Variants in TXNDC15 observed in about 807,000 individuals in gnomAD.
TXNDC15 encodes the protein thioredoxin domain containing 15, also known as thioredoxin domain-containing protein 15.
TXNDC15 carries 24 observed loss-of-function variants against 35.0 expected under a neutral mutation model. That is an observed-to-expected ratio of 0.68 (90% confidence interval 0.50 to 0.96). The LOEUF is 0.96. Among genes scored for constraint, TXNDC15 ranks in the 40% least tolerant of loss-of-function variants. The pLI is 0.00. For synonymous variants in TXNDC15, 169 were observed against 174.0 expected, an observed-to-expected ratio of 0.97 and a Z score of 0.23; for missense variants, 385 against 453.3, an observed-to-expected ratio of 0.85 and a Z score of 1.37.
At chr5:134,881,255 C>T (rs1472280414) in intron 1 of TXNDC15, among the ~76,000 whole-genome samples, 3 of 129,430 alleles carry the variant, frequency 2.3e-5, no homozygotes, top group East Asian at 4.3e-4. Flanking sequence ...GGCAGGGTCA[C>T]AGGACAATAG....
chr5:134,879,701 G>A (rs1354506121), intron 1 of TXNDC15, among the ~76,000 whole-genome samples: 1 of 151,946 alleles, frequency 6.6e-6, no homozygotes, highest in Non-Finnish European at 1.5e-5. Context: ...AGTCACAGAA[G>A]TGCTTGACCT....
Position 134,874,439 on chromosome 5 carries a change from T to G in TXNDC15, c.12T>G (p.Ala4=). The change falls in exon 1 of 5, where the codon GCT becomes GCG. Residue 4 remains alanine, a synonymous_variant. Coordinates refer to ENST00000358387, the MANE Select transcript of TXNDC15 (RefSeq NM_024715.4). MVP[A]AGRRPPRVMR... is the part of the protein sequence containing the mutation. ...TCTCGGCCTGGGCAATGGTCCCGGCTGCCGGTCGACGACCGCCCCGCGTCA... is the reference window on the plus strand; with the variant it reads ...TCTCGGCCTGGGCAATGGTCCCGGCGGCCGGTCGACGACCGCCCCGCGTCA... The G allele has an allele frequency of 6.2e-7, 1 of 1,601,190 alleles. No homozygotes were observed. The highest frequency in any genetic ancestry group is 8.5e-7 in the Non-Finnish European group (1 of 1,176,786).
chr5:134,875,219 C>T (rs921346648), intron 1 of TXNDC15: 2 of 456,240 alleles, frequency 4.4e-6, no homozygotes, highest in South Asian at 1.5e-5. Flanking sequence ...AGAGGCATGG[C>T]GAGGGTGGAG....
chr5:134,889,303 C>T lies in TXNDC15; in HGVS notation c.591+1121C>T, dbSNP rs1204366877. On this transcript the variant is annotated intron_variant, in intron 2 of 4. Coordinates refer to ENST00000358387, the MANE Select transcript of TXNDC15 (RefSeq NM_024715.4). Reference sequence around the variant, plus strand: ...GCAATGGGATGATCTGGGTTCACTGCAACCTCTGCCTCCCGGGTTCAAGTG... The same window carrying T: ...GCAATGGGATGATCTGGGTTCACTGTAACCTCTGCCTCCCGGGTTCAAGTG... Among the ~76,000 whole-genome samples, 27 of 152,214 alleles carry T rather than the reference C, an allele frequency of 1.8e-4. 1 individual carries two copies. Among genetic ancestry groups the T allele is most frequent in the Admixed American group, 1.8e-3 (27 of 15,280 alleles).
In TXNDC15 at chr5:134,900,988, A is replaced by G. The variant is rs1293597938; in HGVS notation, c.*1303A>G. 2.0e-5 allele frequency: 3 copies of G among 152,092 alleles called. No homozygotes were observed. The highest frequency in any genetic ancestry group is 6.6e-5 in the Admixed American group (1 of 15,256). The allele number at this position is 152,092 out of a possible 1,614,324, so 9.4% of individuals were successfully genotyped here. On this transcript the variant is annotated 3_prime_UTR_variant, in exon 5 of 5. Coordinates refer to ENST00000358387, the MANE Select transcript of TXNDC15 (RefSeq NM_024715.4). ...TTTTTAGTAGAGATGGGGTTTTGCC[A>G]TGTTGGCCAGGCTGGTCTCAAACTG...
In TXNDC15 at chr5:134,901,346, AGGAGG is replaced by A. The variant is rs1347583750; in HGVS notation, c.*1665_*1669del. On this transcript the variant is annotated 3_prime_UTR_variant, in exon 5 of 5. Coordinates refer to ENST00000358387, the MANE Select transcript of TXNDC15 (RefSeq NM_024715.4). The stretch of plus-strand genomic sequence containing the variant: ...AGCTGTGTTTGGGGTGGTCACTGGC[AGGAGG>A]GGACCGTATCTCAGAATGGCACATT... 2.6e-5 allele frequency: 4 copies of A among 152,232 alleles called. No individual in the cohort carries two copies. The highest frequency in any genetic ancestry group is 9.6e-5 in the African/African-American group (4 of 41,470). 9.4% of individuals were successfully genotyped at this position (152,232 alleles called of 1,614,324 possible). A position where few individuals can be genotyped will look rare whatever the true frequency, so the allele number is the denominator to read the frequency against.
At chr5:134,875,351 G>C (rs957670300) in intron 1 of TXNDC15, 15 of 456,088 alleles carry the variant, frequency 3.3e-5, no homozygotes, top group Non-Finnish European at 6.2e-5. Context: ...CTTTTCCCTG[G>C]GGTGTCCTGG....
chr5:134,886,004 A>G (rs1328791772), intron 1 of TXNDC15, among the ~76,000 whole-genome samples: 1 of 152,250 alleles, frequency 6.6e-6, no homozygotes, highest in Non-Finnish European at 1.5e-5. Flanking sequence ...ACTGTAGTTC[A>G]TAATAGCCTA....
intron 3 of TXNDC15, 41 bp from the exon 4 acceptor site, chr5:134,896,253 T>G (rs1750486181): frequency 1.9e-6 from 3 of 1,595,588 alleles, no homozygotes; most frequent in South Asian, 2.3e-5. Flanking sequence ...AAGCCCTCTA[T>G]TAATAATAAA....
Position 134,901,547 on chromosome 5 carries a change from T to C in TXNDC15, c.*1862T>C, listed in dbSNP as rs1288952242. On this transcript the variant is annotated 3_prime_UTR_variant, in exon 5 of 5. Coordinates refer to ENST00000358387, the MANE Select transcript of TXNDC15 (RefSeq NM_024715.4). ...TCCACCTCTTATATTGAGTTATTAC[T>C]GTGTGAGTGCCAAGTACTGTTTTAG... 6.6e-6 allele frequency: 1 copy of C among 152,244 alleles called. No individual in the cohort carries two copies. Among genetic ancestry groups the C allele is most frequent in the Non-Finnish European group, 1.5e-5 (1 of 68,038 alleles). The allele number at this position is 152,244 out of a possible 1,614,324, so 9.4% of individuals were successfully genotyped here.
intron 2 of TXNDC15, among the ~76,000 whole-genome samples, chr5:134,890,750 T>C (rs1269810259): frequency 6.6e-6 from 1 of 152,240 alleles, no homozygotes; most frequent in East Asian, 1.9e-4. Context: ...GAAAGAATTC[T>C]CTGTAGCATG....
Position 134,874,397 on chromosome 5 carries a change from G to A in TXNDC15, c.-31G>A, listed in dbSNP as rs948032264. On this transcript the variant is annotated 5_prime_UTR_variant, in exon 1 of 5. Transcript: ENST00000358387. ...TCCGGCTGGCAGCACGACTCGCGTA[G>A]CCGTGCGCCGATTGCCTCTCGGCCT... The A allele has an allele frequency of 1.9e-6, 3 of 1,563,942 alleles. No homozygotes were observed. Among genetic ancestry groups the A allele is most frequent in the East Asian group, 2.4e-5 (1 of 40,842 alleles).
At chr5:134,874,337 G>T, upstream of TXNDC15, 9 of 1,127,002 alleles carry the variant, frequency 8.0e-6, no homozygotes, top group Non-Finnish European at 1.1e-5. Context: ...GCGGGGCCGC[G>T]CCCGCGCTCC....
intron 1 of TXNDC15, chr5:134,875,106 T>C (rs763942566): frequency 1.5e-5 from 7 of 456,216 alleles, no homozygotes; most frequent in South Asian, 1.1e-4. Flanking sequence ...GACCACTGTC[T>C]TAAGGAGGCC....
At chr5:134,896,239 G>T in intron 3 of TXNDC15, 55 bp from the exon 4 acceptor site, 1 of 1,573,482 alleles carries the variant, frequency 6.4e-7, no homozygotes, top group South Asian at 1.2e-5. Flanking sequence ...GTAATTGTAT[G>T]AGAAAGCCCT....
chr5:134,886,318 GGCAC>G (rs1409818482), intron 1 of TXNDC15, among the ~76,000 whole-genome samples: 5 of 152,228 alleles, frequency 3.3e-5, no homozygotes, highest in Admixed American at 2.6e-4. Flanking sequence ...ACATGCTGTT[GGCAC>G]GCAGAACTCA....
chr5:134,896,233 T>G, intron 3 of TXNDC15, 61 bp from the exon 4 acceptor site: 2 of 1,552,986 alleles, frequency 1.3e-6, no homozygotes, highest in Non-Finnish European at 1.7e-6. Context: ...GAGATGGTAA[T>G]TGTATGAGAA....
intron 1 of TXNDC15, among the ~76,000 whole-genome samples, chr5:134,882,169 G>C (rs1468429609): frequency 6.6e-6 from 1 of 151,824 alleles, no homozygotes; most frequent in African/African-American, 2.4e-5. Context: ...TCTCAGACGG[G>C]GTGGCCGGGC....
intron 1 of TXNDC15, among the ~76,000 whole-genome samples, chr5:134,877,224 A>G (rs1750050984): frequency 6.6e-6 from 1 of 152,108 alleles, no homozygotes; most frequent in African/African-American, 2.4e-5. Flanking sequence ...AGCCCTCAGG[A>G]AGGCTCTAAG....
Sources: gnomAD v4.1 joint callset for allele counts (sites outside exome capture counted in the v4.1 genomes callset) on GRCh38, gnomAD v4.1.1 for gene constraint, MANE v1.5 for transcripts, NCBI Gene and HGNC (gene_info 2026-07-23, HGNC 2026-07-21) for gene names.